TOP3A: variants seen among roughly 807,000 people sequenced by gnomAD.
The protein encoded by TOP3A is DNA topoisomerase III alpha.
In TOP3A, 64 loss-of-function variants were observed where a neutral mutation model predicts 111.3. The observed-to-expected ratio is 0.57, with a 90% confidence interval of 0.47 to 0.71. The LOEUF (loss-of-function observed/expected upper bound fraction) is 0.71. TOP3A is among the 30% of genes least tolerant of loss of function. The pLI is 0.00. For synonymous variants in TOP3A, 484 were observed against 485.1 expected (o/e 1.00, Z 0.03); for missense variants, 1,104 against 1,285.0 (o/e 0.86, Z 2.15).
chr17:18,311,555 A>G (rs1190661529), intron 1 of TOP3A, among the ~76,000 whole-genome samples: 1 of 151,870 alleles, frequency 6.6e-6, no homozygotes, highest in Non-Finnish European at 1.5e-5. Context: ...GAGCCTCCCC[A>G]ACTGCTGGGA....
chr17:18,298,652 G>T (rs1312001144), intron 9 of TOP3A, among the ~76,000 whole-genome samples: 3 of 151,914 alleles, frequency 2.0e-5, no homozygotes, highest in Non-Finnish European at 2.9e-5. Context: ...TCGGATGGTT[G>T]CCGTGTCTGT....
chr17:18,276,039 C>A (rs548260752), intron 18 of TOP3A, among the ~76,000 whole-genome samples: 1 of 152,176 alleles, frequency 6.6e-6, no homozygotes, highest in African/African-American at 2.4e-5. Context: ...GGTTGAGGTG[C>A]GATGTGCCTG....
chr17:18,277,615 T>C, intron 18 of TOP3A, 60 bp downstream of exon 18: 1 of 1,543,550 alleles, frequency 6.5e-7, no homozygotes, highest in South Asian at 1.2e-5. Context: ...CTGTCCCCAG[T>C]CTCTGAGGTA....
chr17:18,306,074 C>G (rs1235475602), intron 4 of TOP3A, among the ~76,000 whole-genome samples: 1 of 151,962 alleles, frequency 6.6e-6, no homozygotes, highest in African/African-American at 2.4e-5. Context: ...TGGTGGCAGG[C>G]GCCTGTAATC....
At chr17:18,285,722 C>T (rs1980053590) in intron 13 of TOP3A, among the ~76,000 whole-genome samples, 1 of 152,212 alleles carries the variant, frequency 6.6e-6, no homozygotes, top group Admixed American at 6.5e-5. Context: ...CATCCCATTA[C>T]TCAGGAAAGC....
At chr17:18,281,704 C>T (rs1248366784) in intron 16 of TOP3A, among the ~76,000 whole-genome samples, 2 of 152,292 alleles carry the variant, frequency 1.3e-5, no homozygotes, top group East Asian at 3.9e-4. Flanking sequence ...TTCTGAGAGC[C>T]TGGGTGGCCT....
At position 18,279,263 on chromosome 17, in the gene TOP3A, A is replaced by AT. The variant is rs901764917; in HGVS notation, c.2145-907dup. ...CATTTACTAGAAATAAATTATTAAAATTTTTTTTTTTGAGACAGAGTATCA... is the reference window on the plus strand; with the variant it reads ...CATTTACTAGAAATAAATTATTAAAATTTTTTTTTTTTGAGACAGAGTATCA... On this transcript the variant is annotated intron_variant, in intron 17 of 18. Coordinates refer to ENST00000321105, the MANE Select transcript of TOP3A (RefSeq NM_004618.5). 3.7e-4 allele frequency among the ~76,000 whole-genome samples: 56 copies of AT among 149,572 alleles called. 1 individual carries two copies. Among genetic ancestry groups the AT allele is most frequent in the Admixed American group, 2.0e-4 (3 of 15,014 alleles).
In TOP3A at chr17:18,306,958, C is replaced by A; in HGVS notation, c.323G>T (p.Cys108Phe). 1.2e-6 allele frequency: 2 copies of A among 1,613,128 alleles called. No homozygotes were observed. The highest frequency in any genetic ancestry group is 1.7e-6 in the Non-Finnish European group (2 of 1,179,418). ...FQMQFRKWQS[C>F]NPLVLFEAEI... is the part of the protein sequence containing the mutation. The stretch of plus-strand genomic sequence containing the variant: ...TGCTTCAAAGAGGACAAGAGGGTTG[C>A]AGCTCTGCCTAGAAAAGAAATGAAA... Residue 108 changes from cysteine (C) to phenylalanine (F), a missense_variant, in exon 4 of 19, where the codon TGC becomes TTC. Physicochemically the swap from Cys to Phe is radical, Grantham distance 205. Coordinates refer to ENST00000321105, the MANE Select transcript of TOP3A (RefSeq NM_004618.5).
At position 18,285,285 on chromosome 17, in the gene TOP3A, T is replaced by G; in HGVS notation, c.1734A>C (p.Glu578Asp). 1 of 1,614,080 alleles carries G rather than the reference T, an allele frequency of 6.2e-7. No individual in the cohort carries two copies. Among genetic ancestry groups the G allele is most frequent in the Non-Finnish European group, 8.5e-7 (1 of 1,180,020 alleles). ...LVEGYDSMGY[E>D]MSKPDLRAEL... is the part of the protein sequence containing the mutation. The stretch of plus-strand genomic sequence containing the variant: ...CAGCCCGGAGGTCAGGCTTAGACAT[T>G]TCATAGCCCATGGAATCATAACCTG... Residue 578 changes from glutamate (E) to aspartate (D), a missense_variant, in exon 15 of 19, where the codon GAA (glutamate) becomes GAC (aspartate). Glu to Asp is a conservative substitution (Grantham distance 45, BLOSUM62 2). Transcript: ENST00000321105.
At chr17:18,313,594 G>A (rs1291825133) in intron 1 of TOP3A, 5 of 149,514 alleles carry the variant, frequency 3.3e-5, no homozygotes, top group East Asian at 1.9e-4. Flanking sequence ...AAAAAAAAGG[G>A]AGAGAGAGAG....
At position 18,305,236 on chromosome 17, in the gene TOP3A, G is replaced by A; in HGVS notation, c.391-16C>T. The A allele has an allele frequency of 6.3e-7, 1 of 1,595,534 alleles. No individual in the cohort carries two copies. Among genetic ancestry groups the A allele is most frequent in the Non-Finnish European group, 8.6e-7 (1 of 1,163,186 alleles). On this transcript the variant is annotated splice_polypyrimidine_tract_variant and intron_variant, in intron 4 of 18. Transcript: ENST00000321105. ...CCAAAGTTTTCTTAAGTTCGCAGTG[G>A]AATAAGAGTGGTGAGAACAGAATTG...
Position 18,292,729 on chromosome 17 carries a change from C to T in TOP3A, c.1197G>A (p.Arg399=). ...WGAFAQSILE[R]GGPTPRNGNK... Reference sequence around the variant, plus strand: ...TCCCATTGCGTGGGGTGGGACCACCCCGCTCTAGAATGCTCTGGGCAAAGG... The same window carrying T: ...TCCCATTGCGTGGGGTGGGACCACCTCGCTCTAGAATGCTCTGGGCAAAGG... The change falls in exon 11 of 19, where the codon CGG becomes CGA. Residue 399 remains arginine (R), a synonymous_variant. Coordinates refer to ENST00000321105, the MANE Select transcript of TOP3A (RefSeq NM_004618.5). 6.2e-7 allele frequency: 1 copy of T among 1,612,084 alleles called. No homozygotes were observed. The highest frequency in any genetic ancestry group is 8.5e-7 in the Non-Finnish European group (1 of 1,178,632).
chr17:18,283,598 T>C (rs1346035431), intron 15 of TOP3A, among the ~76,000 whole-genome samples: 1 of 152,140 alleles, frequency 6.6e-6, no homozygotes, highest in South Asian at 2.1e-4. Context: ...CACACACCAG[T>C]TGGACATCCT....
chr17:18,278,845 G>A (rs55674473), intron 17 of TOP3A, among the ~76,000 whole-genome samples: 1 of 152,288 alleles, frequency 6.6e-6, no homozygotes, highest in Non-Finnish European at 1.5e-5. Context: ...GGGCATGGTG[G>A]CACGCGCCTG....
intron 3 of TOP3A, 106 bp downstream of exon 3, chr17:18,308,223 CAAAAAAAAAAAAAAAAAAAAAA>C (rs201230376): frequency 4.7e-4 from 116 of 245,654 alleles, no homozygotes; most frequent in Middle Eastern, 1.2e-3. Flanking sequence ...TTGTCTCCAA[CAAAAAAAAAAAAAAAAAAAAAA>C]AAAAAAAAAA....
chr17:18,305,178 T>C lies in TOP3A; in HGVS notation c.433A>G (p.Ile145Val), dbSNP rs1355388511. The C allele has an allele frequency of 3.1e-6, 5 of 1,614,154 alleles. No individual in the cohort carries two copies. In the African/African-American group the frequency reaches 6.7e-5, roughly 22 times the overall value. The change falls in exon 5 of 19, where the codon ATC (isoleucine) becomes GTC (valine). Residue 145 changes from isoleucine to valine, a missense_variant. Coordinates refer to ENST00000321105, the MANE Select transcript of TOP3A (RefSeq NM_004618.5). ...CCTTCTCTATCACAGTCAGTCCAGA[T>C]CACCAGAGCCTGGCACTGGCGAGTC... Reference protein sequence around the residue: ...RETRQCQALVIWTDCDREGEN... With the variant: ...RETRQCQALVVWTDCDREGEN...
rs769893904 is a variant in TOP3A at position 18,290,681 on chromosome 17, G to A, written c.1473C>T (p.Leu491=). 1.9e-6 allele frequency: 3 copies of A among 1,600,744 alleles called. No homozygotes were observed. Among genetic ancestry groups the A allele is most frequent in the East Asian group, 2.2e-5 (1 of 44,682 alleles). Residue 491 remains leucine, a synonymous_variant, in exon 13 of 19, where the codon CTC becomes CTT. Coordinates refer to ENST00000321105, the MANE Select transcript of TOP3A (RefSeq NM_004618.5). ...AGTGGGATCCTTGCTCATAGACAGG[G>A]AGGATCTACAGGGAGCGGCAGGTGC... The part of the protein sequence containing the change: ...YPYDHWSDKI[L]PVYEQGSHFQ...
intron 9 of TOP3A, among the ~76,000 whole-genome samples, chr17:18,295,462 T>A (rs961446066): frequency 1.2e-4 from 18 of 151,176 alleles, no homozygotes; most frequent in East Asian, 3.9e-4. Context: ...CTCTGCATTT[T>A]AAAAATTTTT....
intron 11 of TOP3A, among the ~76,000 whole-genome samples, chr17:18,292,304 G>C (rs1193844491): frequency 1.3e-5 from 2 of 152,232 alleles, no homozygotes; most frequent in Non-Finnish European, 2.9e-5. Context: ...AACTGAGCCA[G>C]CCTTGGGAGG....
Sources: allele counts gnomAD v4.1 joint callset (sites outside exome capture counted in the v4.1 genomes callset), GRCh38; gene constraint gnomAD v4.1.1; transcripts MANE v1.5; gene names NCBI Gene and HGNC (gene_info 2026-07-23, HGNC 2026-07-21).